The following ACTR3C variants were observed in gnomAD, a reference collection of about 807,000 sequenced individuals.
The protein encoded by ACTR3C is actin related protein 3C, also known as actin-related protein 3C.
In ACTR3C, 18 loss-of-function variants were observed where a neutral mutation model predicts 26.3. The observed-to-expected ratio is 0.68, with a 90% CI of 0.47 to 1.01. ACTR3C has a LOEUF of 1.01. Among genes scored for constraint, ACTR3C ranks in the 50% least tolerant of loss-of-function variants. The pLI is 0.00. For synonymous variants in ACTR3C, 55 were observed against 94.5 expected (o/e 0.58, Z 2.42); for missense variants, 184 against 250.7 (o/e 0.73, Z 1.80).
chr7:150,110,418 C>A, the ACTR3C span, among the ~76,000 whole-genome samples: 10 of 129,820 alleles, frequency 7.7e-5, no homozygotes, highest in Non-Finnish European at 1.4e-4. Flanking sequence ...GACTGCTCAG[C>A]AAGGCTGGAA....
the ACTR3C span, among the ~76,000 whole-genome samples, chr7:150,122,214 C>T: frequency 6.6e-6 from 1 of 151,932 alleles, no homozygotes; most frequent in East Asian, 1.9e-4. Flanking sequence ...GCAACAAAAG[C>T]CAAAATTGAC....
At chr7:150,180,687 A>AT in the ACTR3C span, among the ~76,000 whole-genome samples, 2 of 148,766 alleles carry the variant, frequency 1.3e-5, no homozygotes, top group South Asian at 4.2e-4. Flanking sequence ...TAATTTTTGT[A>AT]TTTTTAGTAG....
chr7:149,972,893 C>T, the ACTR3C span, among the ~76,000 whole-genome samples: 21 of 151,664 alleles, frequency 1.4e-4, no homozygotes, highest in African/African-American at 3.6e-4. Flanking sequence ...CGTGCGTGGG[C>T]GGCATGTCTG....
chr7:150,145,049 C>CAA, the ACTR3C span, among the ~76,000 whole-genome samples: 1,693 of 102,450 alleles, frequency 0.017, 2 homozygotes, highest in South Asian at 0.032. Context: ...GACTCCATCT[C>CAA]AAAAAAAAAA....
chr7:150,217,113 C>T, the ACTR3C span, among the ~76,000 whole-genome samples: 1 of 147,108 alleles, frequency 6.8e-6, no homozygotes, highest in East Asian at 1.9e-4. Context: ...AGTAATGCCT[C>T]ATCTTGTGTG....
the ACTR3C span, among the ~76,000 whole-genome samples, chr7:150,225,655 TC>T: frequency 6.6e-6 from 1 of 152,230 alleles, no homozygotes; most frequent in Non-Finnish European, 1.5e-5. Flanking sequence ...CAGCACCTTT[TC>T]CCCTCCCTCT....
the ACTR3C span, among the ~76,000 whole-genome samples, chr7:150,065,504 C>A: frequency 4.5e-3 from 683 of 152,290 alleles, 5 homozygotes; most frequent in African/African-American, 0.016. Flanking sequence ...GTCCATTGAA[C>A]CCCAATGATC....
the ACTR3C span, among the ~76,000 whole-genome samples, chr7:149,954,054 G>A: frequency 1.4e-5 from 2 of 142,124 alleles, no homozygotes; most frequent in Admixed American, 7.2e-5. Flanking sequence ...TTCCCCATAC[G>A]CTGAAGTTTT....
the ACTR3C span, among the ~76,000 whole-genome samples, chr7:149,906,091 A>G: frequency 6.6e-6 from 1 of 152,216 alleles, no homozygotes; most frequent in African/African-American, 2.4e-5. Context: ...CAGCACTGAT[A>G]CATGACAAAA....
At chr7:150,205,640 G>C in the ACTR3C span, among the ~76,000 whole-genome samples, 9 of 152,098 alleles carry the variant, frequency 5.9e-5, no homozygotes, top group African/African-American at 2.2e-4. Flanking sequence ...ATATCTCCTG[G>C]CTGCCAGCAA....
At chr7:150,035,753 G>C in the ACTR3C span, among the ~76,000 whole-genome samples, 1 of 140,674 alleles carries the variant, frequency 7.1e-6, no homozygotes, top group Admixed American at 6.8e-5. Flanking sequence ...GCCTCGCGGG[G>C]GGTGCGTCCC....
the ACTR3C span, among the ~76,000 whole-genome samples, chr7:150,077,577 C>T: frequency 2.6e-5 from 4 of 152,008 alleles, no homozygotes; most frequent in African/African-American, 9.7e-5. Flanking sequence ...CATGATGGAT[C>T]CAGAGGTCAT....
At chr7:150,065,259 CT>C in the ACTR3C span, among the ~76,000 whole-genome samples, 1 of 152,146 alleles carries the variant, frequency 6.6e-6, no homozygotes, top group Non-Finnish European at 1.5e-5. Context: ...GTTTGTGTTA[CT>C]TTTTCATTAT....
the ACTR3C span, among the ~76,000 whole-genome samples, chr7:150,052,859 TCTC>T: frequency 1.9e-5 from 2 of 104,978 alleles, no homozygotes; most frequent in African/African-American, 3.2e-5. Context: ...AATCGACTCT[TCTC>T]CTCCCACTTT....
rs538901045 is a variant in ACTR3C, at chr7:150,274,178, A to G, written c.564+10575T>C. On this transcript the variant is annotated intron_variant, in intron 6 of 7. Coordinates refer to ENST00000683684, the MANE Select transcript of ACTR3C (RefSeq NM_001164458.2). This position sits in a 1 kb window ranked among gnomAD's most constrained non-coding sequence, Gnocchi z 4.1. ...GGGAAAAAGCGCCGAGGTGCAGTCT[A>G]GAGCAGGGTGGTCAGGACGCCTCAC... 1.3e-5 allele frequency among the ~76,000 whole-genome samples: 2 copies of G among 152,294 alleles called. No individual in the cohort carries two copies. The highest frequency in any genetic ancestry group is 3.9e-4 in the East Asian group (2 of 5,186).
At chr7:150,031,768 T>C in the ACTR3C span, among the ~76,000 whole-genome samples, 1 of 152,052 alleles carries the variant, frequency 6.6e-6, no homozygotes, top group Non-Finnish European at 1.5e-5. Flanking sequence ...GCTTACGTAG[T>C]GGTATTCAGT....
At chr7:149,895,035 C>T in the ACTR3C span, among the ~76,000 whole-genome samples, 1 of 151,588 alleles carries the variant, frequency 6.6e-6, no homozygotes, top group African/African-American at 2.4e-5. Flanking sequence ...GCTTTATAAA[C>T]AGTGGAATAC....
intron 6 of ACTR3C, among the ~76,000 whole-genome samples, chr7:150,278,222 A>C (rs2373755): frequency 0.032 from 4,908 of 152,240 alleles, 244 homozygotes; most frequent in African/African-American, 0.11. Flanking sequence ...GCATTCCCTG[A>C]ACTGACCAGG....
chr7:149,994,165 A>C, the ACTR3C span, among the ~76,000 whole-genome samples: 1 of 152,220 alleles, frequency 6.6e-6, no homozygotes, highest in African/African-American at 2.4e-5. Context: ...TATCCTAAGG[A>C]TGATACTAAA....
Sources: allele counts gnomAD v4.1 joint callset (sites outside exome capture counted in the v4.1 genomes callset), GRCh38; gene constraint gnomAD v4.1.1; non-coding constraint Gnocchi (gnomAD v3.1); transcripts MANE v1.5; gene names NCBI Gene and HGNC (gene_info 2026-07-23, HGNC 2026-07-21).